CEP83: variants seen among roughly 807,000 people sequenced by gnomAD.
CEP83 encodes centrosomal protein 83.
Under a neutral mutation model 101.9 loss-of-function variants are expected in CEP83, and 70 were observed. That is an observed-to-expected ratio of 0.69 (90% CI 0.57 to 0.84). The LOEUF is 0.84. Among genes scored for constraint, CEP83 ranks in the 40% least tolerant of loss-of-function variants. The pLI is 0.00. For synonymous variants in CEP83, 264 were observed against 267.9 expected (o/e 0.99, Z 0.14); for missense variants, 715 against 787.2 (o/e 0.91, Z 1.10).
intron 2 of CEP83, among the ~76,000 whole-genome samples, chr12:94,417,300 A>G (rs1422531961): frequency 6.6e-6 from 1 of 152,066 alleles, no homozygotes; most frequent in African/African-American, 2.4e-5. Flanking sequence ...CAGGCAACAA[A>G]GCAAGATTCC....
chr12:94,427,658 T>C (rs1432318651), intron 2 of CEP83, among the ~76,000 whole-genome samples: 1 of 152,232 alleles, frequency 6.6e-6, no homozygotes. Context: ...ACACATTCCA[T>C]TAAAAGCACA....
At chr12:94,300,357 A>G in the CEP83 span, among the ~76,000 whole-genome samples, 128 of 152,312 alleles carry the variant, frequency 8.4e-4, no homozygotes, top group African/African-American at 3.0e-3. Context: ...TACCTGAGGC[A>G]AGAAAGTTTC....
intron 16 of CEP83, 50 bp from the exon 17 acceptor site, chr12:94,308,967 G>C (rs771469474): frequency 5.4e-6 from 7 of 1,307,180 alleles, no homozygotes; most frequent in Non-Finnish European, 5.5e-6. Context: ...TAGAAAAACT[G>C]TTAGGTAGCA....
intron 4 of CEP83, among the ~76,000 whole-genome samples, chr12:94,404,172 TCACATGAAG>T (rs2063410444): frequency 6.6e-6 from 1 of 151,984 alleles, no homozygotes; most frequent in African/African-American, 2.4e-5. Context: ...TCACAAAAAC[TCACATGAAG>T]CACATATCTC....
intron 1 of CEP83, among the ~76,000 whole-genome samples, chr12:94,438,620 GC>G (rs1256816613): frequency 6.6e-6 from 1 of 152,126 alleles, no homozygotes. Context: ...TCCACTAACA[GC>G]ACTAGACAAG....
In CEP83 at chr12:94,412,420, A is replaced by C; in HGVS notation, c.71T>G (p.Leu24Trp). 2 of 1,612,846 alleles carry C rather than the reference A, an allele frequency of 1.2e-6. No individual in the cohort carries two copies. Among genetic ancestry groups the C allele is most frequent in the Non-Finnish European group, 1.7e-6 (2 of 1,179,312 alleles). ...NNFPPGGDSG[L>W]TGSQSEFQKM... ...CTGGAACTCCGACTGAGAACCTGTC[A>C]ATCCACTGTCTCCACCAGGAGGAAA... is the stretch of plus-strand genomic sequence containing the variant. Residue 24 changes from leucine to tryptophan, a missense_variant, in exon 3 of 17, where the codon TTG (leucine) becomes TGG (tryptophan). Coordinates refer to ENST00000397809, the MANE Select transcript of CEP83 (RefSeq NM_016122.3).
intron 11 of CEP83, among the ~76,000 whole-genome samples, chr12:94,352,886 T>G (rs1327409407): frequency 6.6e-6 from 1 of 152,138 alleles, no homozygotes; most frequent in Non-Finnish European, 1.5e-5. Context: ...ATTATAAAAA[T>G]TCCAGAAGAA....
chr12:94,414,621 A>C (rs942477035), intron 2 of CEP83, among the ~76,000 whole-genome samples: 1 of 152,244 alleles, frequency 6.6e-6, no homozygotes, highest in Admixed American at 6.5e-5. Flanking sequence ...TTTTCCATGC[A>C]CTGAGAAACC....
At position 94,368,454 on chromosome 12, in the gene CEP83, T is replaced by C. The variant is rs575317198; in HGVS notation, c.1049-253A>G. On this transcript the variant is annotated intron_variant, in intron 9 of 16. Coordinates refer to ENST00000397809, the MANE Select transcript of CEP83 (RefSeq NM_016122.3). ...CATATAAAAACTTTAATAAAAGCTG[T>C]ATACATTTACTCATTCGAACATTGA... 14 of 364,780 alleles carry C rather than the reference T, an allele frequency of 3.8e-5. No homozygotes were observed. In the South Asian group the frequency reaches 8.1e-4, roughly 21 times the overall value. The allele number at this position is 364,780 out of a possible 1,614,324, so 22.6% of individuals were successfully genotyped here. A position where few individuals can be genotyped will look rare whatever the true frequency, so the allele number is the denominator to read the frequency against.
rs141372203 is a variant in CEP83, at chr12:94,408,994, A to T, written c.324+2703T>A. 6.5e-3 allele frequency among the ~76,000 whole-genome samples: 986 copies of T among 152,164 alleles called. 5 individuals are homozygous for T. The highest frequency in any genetic ancestry group is 0.014 in the Middle Eastern group (4 of 294). Reference sequence around the variant, plus strand: ...AATGTTCTTTAAATGAATATCTCTTATATCTTTTTCCTATAAAAGCCAAAG... The same window carrying T: ...AATGTTCTTTAAATGAATATCTCTTTTATCTTTTTCCTATAAAAGCCAAAG... On this transcript the variant is annotated intron_variant, in intron 4 of 16. Coordinates refer to ENST00000397809, the MANE Select transcript of CEP83 (RefSeq NM_016122.3).
intron 2 of CEP83, 90 bp from the exon 3 acceptor site, chr12:94,412,681 T>TA: frequency 4.5e-6 from 2 of 443,760 alleles, no homozygotes; most frequent in Admixed American, 4.7e-5. Flanking sequence ...CTTTTATTAT[T>TA]CTTTTTTTTT....
chr12:94,398,761 G>A (rs1233694015), intron 6 of CEP83, among the ~76,000 whole-genome samples: 5 of 152,094 alleles, frequency 3.3e-5, no homozygotes, highest in East Asian at 1.9e-4. Context: ...GGAAGATATC[G>A]CTAAATTCTT....
At chr12:94,393,527 T>A (rs1379117900) in intron 6 of CEP83, among the ~76,000 whole-genome samples, 1 of 152,194 alleles carries the variant, frequency 6.6e-6, no homozygotes, top group African/African-American at 2.4e-5. Context: ...TCATACTGAA[T>A]GGGCAAAAAC....
intron 2 of CEP83, among the ~76,000 whole-genome samples, chr12:94,421,077 G>A (rs1384592936): frequency 1.3e-5 from 2 of 151,840 alleles, no homozygotes; most frequent in African/African-American, 4.8e-5. Flanking sequence ...TTCTCATTCT[G>A]TCATCCACGC....
At chr12:94,279,616 C>T in the CEP83 span, 4 of 1,614,224 alleles carry the variant, frequency 2.5e-6, no homozygotes, top group South Asian at 4.4e-5. Context: ...AAATGGCTCT[C>T]CTTATGGACT....
At chr12:94,295,986 G>A in the CEP83 span, among the ~76,000 whole-genome samples, 1 of 152,176 alleles carries the variant, frequency 6.6e-6, no homozygotes, top group East Asian at 1.9e-4. Context: ...CTTCCTTGAT[G>A]CTTGTAGGCT....
At chr12:94,293,280 C>T in the CEP83 span, among the ~76,000 whole-genome samples, 1 of 152,188 alleles carries the variant, frequency 6.6e-6, no homozygotes, top group East Asian at 1.9e-4. Context: ...AAATCGCTCC[C>T]TATCAGGATT....
chr12:94,295,191 C>T, the CEP83 span, among the ~76,000 whole-genome samples: 2 of 152,232 alleles, frequency 1.3e-5, no homozygotes, highest in African/African-American at 2.4e-5. Flanking sequence ...AGGCTCCTTT[C>T]ACACACACAG....
the CEP83 span, among the ~76,000 whole-genome samples, chr12:94,274,806 T>G: frequency 1.3e-5 from 2 of 152,178 alleles, no homozygotes; most frequent in Non-Finnish European, 2.9e-5. Flanking sequence ...CTTGTGCCAT[T>G]TATTTAACCT....
Sources: gnomAD v4.1 joint callset for allele counts (sites outside exome capture counted in the v4.1 genomes callset) on GRCh38, gnomAD v4.1.1 for gene constraint, MANE v1.5 for transcripts, NCBI Gene and HGNC (gene_info 2026-07-23, HGNC 2026-07-21) for gene names.